The following DNAI7 variants were observed in gnomAD, a reference collection of about 807,000 sequenced individuals.
DNAI7 encodes cancer susceptibility 1.
A neutral mutation model predicts 86.6 loss-of-function variants in DNAI7; 78 were observed. The observed-to-expected ratio is 0.90, with a 90% CI of 0.75 to 1.09. The LOEUF (loss-of-function observed/expected upper bound fraction) is 1.09, where lower values mean the gene tolerates loss of function less well. Among genes scored for constraint, DNAI7 ranks in the 50% least tolerant of loss-of-function variants. The pLI is 0.00. For synonymous variants in DNAI7, 274 were observed against 273.0 expected (o/e 1.00, Z -0.04); for missense variants, 753 against 810.2 (o/e 0.93, Z 0.86).
intron 1 of DNAI7, among the ~76,000 whole-genome samples, chr12:25,193,985 C>A (rs1950790868): frequency 6.6e-6 from 1 of 152,120 alleles, no homozygotes. Context: ...ACACGCCCGG[C>A]TAATTTTTGT....
intron 6 of DNAI7, among the ~76,000 whole-genome samples, chr12:25,153,057 T>G (rs1945747337): frequency 6.6e-6 from 1 of 152,206 alleles, no homozygotes; most frequent in Non-Finnish European, 1.5e-5. Flanking sequence ...GCCTGTCAAC[T>G]GCTCTTTCAT....
At chr12:25,150,814 TGA>T (rs975561936) in intron 6 of DNAI7, among the ~76,000 whole-genome samples, 2 of 151,966 alleles carry the variant, frequency 1.3e-5, no homozygotes, top group Non-Finnish European at 2.9e-5. Context: ...TACCTAAGAC[TGA>T]GAGATAATAG....
At chr12:25,139,926 C>T (rs545516523) in intron 9 of DNAI7, among the ~76,000 whole-genome samples, 1 of 152,224 alleles carries the variant, frequency 6.6e-6, no homozygotes, top group East Asian at 1.9e-4. Flanking sequence ...AATGGTTTAA[C>T]ATGTGGAAGT....
Position 25,144,353 on chromosome 12 carries a change from A to T in DNAI7, c.1002+12T>A. Reference sequence around the variant, plus strand: ...ATGAATAAAAAAATGTGTATATTTAAATGTGTCCTACCATTTTCACTTCAA... The same window carrying T: ...ATGAATAAAAAAATGTGTATATTTATATGTGTCCTACCATTTTCACTTCAA... On this transcript the variant is annotated intron_variant, in intron 9 of 15. Transcript: ENST00000395987. 6.3e-7 allele frequency: 1 copy of T among 1,598,972 alleles called. No individual in the cohort carries two copies. Among genetic ancestry groups the T allele is most frequent in the South Asian group, 1.1e-5 (1 of 90,062 alleles).
At chr12:25,130,593 T>C (rs1172260864) in intron 9 of DNAI7, among the ~76,000 whole-genome samples, 1 of 142,856 alleles carries the variant, frequency 7.0e-6, no homozygotes, top group Non-Finnish European at 1.5e-5. Context: ...AAATAAAATA[T>C]TTATGTTAAA....
rs956050350 is a variant in DNAI7, at chr12:25,185,734, A to G, written c.21+4880T>C. On this transcript the variant is annotated intron_variant, in intron 2 of 15. Transcript: ENST00000395987. ...TAGTGTCAGCACTGAATGTTCCATG[A>G]AAACCAGGACTCACTCTTTGGCCAC... 4.1e-6 allele frequency: 4 copies of G among 977,298 alleles called. No homozygotes were observed. In the East Asian group the frequency reaches 3.4e-4, roughly 83 times the overall value. 60.5% of individuals were successfully genotyped at this position (977,298 alleles called of 1,614,324 possible). A position where few individuals can be genotyped will look rare whatever the true frequency, so the allele number is the denominator to read the frequency against.
intron 2 of DNAI7, among the ~76,000 whole-genome samples, chr12:25,171,847 A>C (rs1948179380): frequency 6.6e-6 from 1 of 152,200 alleles, no homozygotes; most frequent in Non-Finnish European, 1.5e-5. Context: ...ACATAAACAG[A>C]ATTAAAAACA....
chr12:25,113,063 G>A (rs1410067041), intron 13 of DNAI7, among the ~76,000 whole-genome samples: 3 of 152,140 alleles, frequency 2.0e-5, no homozygotes, highest in Non-Finnish European at 4.4e-5. Context: ...AGGGTCGTCA[G>A]GGCTGCTGGA....
chr12:25,165,541 C>T (rs1316682297), intron 2 of DNAI7, among the ~76,000 whole-genome samples: 1 of 152,228 alleles, frequency 6.6e-6, no homozygotes, highest in Non-Finnish European at 1.5e-5. Flanking sequence ...ACCTGGCAGC[C>T]ACTTTCAGAG....
Position 25,111,933 on chromosome 12 carries a change from G to T in DNAI7, c.1618C>A (p.Leu540Ile). 6.4e-7 allele frequency: 1 copy of T among 1,570,840 alleles called. No individual in the cohort carries two copies. Among genetic ancestry groups the T allele is most frequent in the African/African-American group, 1.4e-5 (1 of 72,694 alleles). ...AGTTTGATTGAAGATAACATGCAGAGGTTTTCCTAGTTTAAATAAGAAAAA... is the reference window on the plus strand; with the variant it reads ...AGTTTGATTGAAGATAACATGCAGATGTTTTCCTAGTTTAAATAAGAAAAA... Reference protein sequence around the residue: ...TEIQIQIKENLCMLSSIKLKD... With the variant: ...TEIQIQIKENICMLSSIKLKD... The change falls in exon 14 of 16, where the codon CTC becomes ATC. Residue 540 changes from leucine to isoleucine, a missense_variant. Leu to Ile is a conservative substitution (Grantham distance 5). Coordinates refer to ENST00000395987, the MANE Select transcript of DNAI7 (RefSeq NM_018272.5).
chr12:25,162,085 G>C (rs906829412), intron 2 of DNAI7, among the ~76,000 whole-genome samples: 2 of 152,110 alleles, frequency 1.3e-5, no homozygotes, highest in Non-Finnish European at 2.9e-5. Flanking sequence ...GTGGCCAAAG[G>C]ATTTTAACAT....
At position 25,174,606 on chromosome 12, in the gene DNAI7, T is replaced by C. The variant is rs1276167305; in HGVS notation, c.22-13409A>G. ...TCATATATATGGGATATATATATGA[T>C]ATATATATCATATATATGGGATATA... On this transcript the variant is annotated intron_variant, in intron 2 of 15. Transcript: ENST00000395987. Among the ~76,000 whole-genome samples, 282 of 123,332 alleles carry C rather than the reference T, an allele frequency of 2.3e-3. 38 individuals carry two copies. The East Asian group carries it at 0.025, about 11-fold the overall frequency. The allele number at this position is 123,332 out of a possible 152,430, so 80.9% of individuals were successfully genotyped here. A position where few individuals can be genotyped will look rare whatever the true frequency, so the allele number is the denominator to read the frequency against.
intron 2 of DNAI7, among the ~76,000 whole-genome samples, chr12:25,163,171 G>A (rs1592540737): frequency 6.6e-6 from 1 of 152,174 alleles, no homozygotes; most frequent in East Asian, 1.9e-4. Context: ...AGGCAACAAA[G>A]AGCATGATGA....
chr12:25,119,790 C>T (rs1940903667), intron 11 of DNAI7, among the ~76,000 whole-genome samples: 1 of 152,106 alleles, frequency 6.6e-6, no homozygotes, highest in Admixed American at 6.5e-5. Context: ...GTGAATTAAC[C>T]AGACAGCAGA....
intron 2 of DNAI7, among the ~76,000 whole-genome samples, chr12:25,168,074 C>T (rs980381432): frequency 3.3e-5 from 5 of 152,202 alleles, no homozygotes; most frequent in African/African-American, 1.2e-4. Context: ...CCCCTCTACA[C>T]AGTTACCTCA....
intron 2 of DNAI7, among the ~76,000 whole-genome samples, chr12:25,186,833 G>C (rs1203965062): frequency 6.6e-6 from 1 of 152,030 alleles, no homozygotes; most frequent in Non-Finnish European, 1.5e-5. Context: ...AAATATGGAA[G>C]TCAATCATCT....
intron 12 of DNAI7, among the ~76,000 whole-genome samples, chr12:25,115,970 T>C (rs954283852): frequency 3.3e-5 from 5 of 152,230 alleles, no homozygotes; most frequent in African/African-American, 1.2e-4. Flanking sequence ...TTTACATCTA[T>C]GCTAGCACCC....
At chr12:25,107,256 T>G (rs1949234927), downstream of DNAI7, among the ~76,000 whole-genome samples, 2 of 152,220 alleles carry the variant, frequency 1.3e-5, no homozygotes, top group African/African-American at 4.8e-5. Flanking sequence ...ACTTTTACTG[T>G]AATATATGTT....
intron 12 of DNAI7, among the ~76,000 whole-genome samples, chr12:25,117,602 T>C (rs1940382886): frequency 6.6e-6 from 1 of 152,184 alleles, no homozygotes; most frequent in Admixed American, 6.5e-5. Flanking sequence ...TCAGCAAGCC[T>C]ACTCCAAAAG....
Sources: gnomAD v4.1 joint callset for allele counts (sites outside exome capture counted in the v4.1 genomes callset) on GRCh38, gnomAD v4.1.1 for gene constraint, MANE v1.5 for transcripts, NCBI Gene and HGNC (gene_info 2026-07-23, HGNC 2026-07-21) for gene names.